GRID2: variants seen among roughly 807,000 people sequenced by gnomAD.
GRID2 encodes glutamate receptor ionotropic, delta-2.
In GRID2, 33 loss-of-function variants were observed where a neutral mutation model predicts 114.8. That is an observed-to-expected ratio of 0.29 (90% CI 0.22 to 0.38). GRID2 has a LOEUF of 0.38. GRID2 is among the 10% of genes least tolerant of loss of function. The probability of loss-of-function intolerance (pLI) is 1.00; values close to 1 mark genes in which losing one functional copy is unlikely to be tolerated. For missense variants in GRID2, 1,184 were observed against 1,257.7 expected (o/e 0.94, Z 0.89); for synonymous variants, 505 against 449.9 (o/e 1.12, Z -1.55).
At chr4:93,349,104 A>G (rs1760533409) in intron 8 of GRID2, among the ~76,000 whole-genome samples, 1 of 152,142 alleles carries the variant, frequency 6.6e-6, no homozygotes, top group Non-Finnish European at 1.5e-5. Context: ...TTCAAGGAGA[A>G]TACTAATGCC....
intron 2 of GRID2, among the ~76,000 whole-genome samples, chr4:93,043,200 G>T (rs1380001019): frequency 6.6e-6 from 1 of 152,134 alleles, no homozygotes; most frequent in Non-Finnish European, 1.5e-5. Flanking sequence ...TTAAGTGTTT[G>T]TTGGTAACTT....
At chr4:92,791,854 C>G (rs1739606605) in intron 2 of GRID2, among the ~76,000 whole-genome samples, 1 of 151,872 alleles carries the variant, frequency 6.6e-6, no homozygotes, top group Non-Finnish European at 1.5e-5. Flanking sequence ...ATTGGAAGAA[C>G]TCTCCTTGGC....
intron 14 of GRID2, among the ~76,000 whole-genome samples, chr4:93,719,821 A>G (rs960950971): frequency 6.6e-5 from 10 of 152,188 alleles, no homozygotes; most frequent in Non-Finnish European, 1.5e-4. Flanking sequence ...GTTCCAGCAG[A>G]TAGAACAAGC....
At chr4:93,581,148 A>G (rs1736947656) in intron 13 of GRID2, among the ~76,000 whole-genome samples, 2 of 111,480 alleles carry the variant, frequency 1.8e-5, no homozygotes, top group Non-Finnish European at 3.3e-5. Flanking sequence ...CCCTGTGTCC[A>G]TGTGTTCTCA....
intron 2 of GRID2, among the ~76,000 whole-genome samples, chr4:92,829,019 T>C (rs1183487709): frequency 6.6e-6 from 1 of 152,192 alleles, no homozygotes; most frequent in African/African-American, 2.4e-5. Flanking sequence ...TTTAGTTTAA[T>C]TAGATCCCAT....
At chr4:92,756,238 C>G (rs1737714812) in intron 2 of GRID2, among the ~76,000 whole-genome samples, 1 of 152,214 alleles carries the variant, frequency 6.6e-6, no homozygotes, top group South Asian at 2.1e-4. Flanking sequence ...CATAATAACT[C>G]CTATTTCCAT....
chr4:93,671,804 A>G (rs1724443372), intron 14 of GRID2, among the ~76,000 whole-genome samples: 1 of 151,592 alleles, frequency 6.6e-6, no homozygotes, highest in South Asian at 2.1e-4. Context: ...CCCTGTCTCT[A>G]CCAAAAATAC....
At chr4:93,462,201 A>G (rs960429666) in intron 11 of GRID2, among the ~76,000 whole-genome samples, 16 of 152,196 alleles carry the variant, frequency 1.1e-4, no homozygotes, top group Admixed American at 1.0e-3. Flanking sequence ...CGAGTATACT[A>G]TGTGCCATGC....
chr4:93,734,073 G>A (rs879356092), intron 14 of GRID2, among the ~76,000 whole-genome samples: 2 of 151,864 alleles, frequency 1.3e-5, no homozygotes, highest in Admixed American at 1.3e-4. Context: ...TCTTTCTGCT[G>A]GTAAACTGGG....
intron 1 of GRID2, among the ~76,000 whole-genome samples, chr4:92,495,991 A>AT (rs1010425530): frequency 2.4e-4 from 36 of 152,006 alleles, no homozygotes; most frequent in African/African-American, 8.7e-4. Flanking sequence ...TTTAAAGTAA[A>AT]TATGTATGAA....
At chr4:93,183,240 TAAA>T (rs1560960438) in intron 4 of GRID2, among the ~76,000 whole-genome samples, 1 of 152,204 alleles carries the variant, frequency 6.6e-6, no homozygotes, top group African/African-American at 2.4e-5. Flanking sequence ...TAAAATTTTT[TAAA>T]AAACTCTAAC....
rs1560657307 is a variant in GRID2 at position 92,477,086 on chromosome 4, TG to T, written c.89-113044del. On this transcript the variant is annotated intron_variant, in intron 1 of 15. Coordinates refer to ENST00000282020, the MANE Select transcript of GRID2 (RefSeq NM_001510.4). ...GTGTGTGTGTGTGTGTGTGTGTGTG[TG>T]TGTGTGTGTGTTTGCTTAGTATTGT... is the stretch of plus-strand genomic sequence containing the variant. 2.3e-4 allele frequency among the ~76,000 whole-genome samples: 33 copies of T among 145,072 alleles called. No individual in the cohort carries two copies. In the East Asian group the frequency reaches 6.3e-3, roughly 28 times the overall value.
chr4:93,509,716 C>T (rs1296729384), intron 12 of GRID2, among the ~76,000 whole-genome samples: 1 of 152,152 alleles, frequency 6.6e-6, no homozygotes, highest in African/African-American at 2.4e-5. Flanking sequence ...TTGGCAGTAC[C>T]TCTTGGGGAT....
intron 2 of GRID2, among the ~76,000 whole-genome samples, chr4:92,690,635 G>A (rs182011043): frequency 6.6e-6 from 1 of 152,260 alleles, no homozygotes. Context: ...TCCGTGGCAT[G>A]CAATAAAGCA....
At chr4:93,038,757 C>T (rs1267634633) in intron 2 of GRID2, among the ~76,000 whole-genome samples, 5 of 151,770 alleles carry the variant, frequency 3.3e-5, no homozygotes, top group African/African-American at 1.2e-4. Context: ...TGCCACTGCA[C>T]TCCAGCCTGG....
intron 2 of GRID2, among the ~76,000 whole-genome samples, chr4:92,644,026 G>C (rs183291281): frequency 4.0e-5 from 6 of 151,550 alleles, no homozygotes; most frequent in Non-Finnish European, 5.9e-5. Context: ...TGCAAGTAGA[G>C]ATTAGTTATC....
At chr4:92,540,776 A>T (rs1218637492) in intron 1 of GRID2, among the ~76,000 whole-genome samples, 2 of 152,174 alleles carry the variant, frequency 1.3e-5, no homozygotes, top group South Asian at 2.1e-4. Context: ...CATTTGACCC[A>T]GCCATCCCAT....
At chr4:93,545,229 T>A (rs897986322) in intron 13 of GRID2, among the ~76,000 whole-genome samples, 1 of 152,084 alleles carries the variant, frequency 6.6e-6, no homozygotes, top group African/African-American at 2.4e-5. Context: ...AGATTCCAAT[T>A]TGTGCTATGG....
At chr4:93,051,143 A>G (rs1458313078) in intron 2 of GRID2, among the ~76,000 whole-genome samples, 1 of 152,036 alleles carries the variant, frequency 6.6e-6, no homozygotes, top group Non-Finnish European at 1.5e-5. Flanking sequence ...TGCTAGTAAT[A>G]GTATGATCGG....
Sources: gnomAD v4.1 joint callset for allele counts (sites outside exome capture counted in the v4.1 genomes callset) on GRCh38, gnomAD v4.1.1 for gene constraint, MANE v1.5 for transcripts, NCBI Gene and HGNC (gene_info 2026-07-23, HGNC 2026-07-21) for gene names.